The following MSS51 variants were observed in gnomAD, a reference collection of about 807,000 sequenced individuals.
MSS51 encodes putative protein MSS51 homolog, mitochondrial.
A neutral mutation model predicts 40.2 loss-of-function variants in MSS51; 32 were observed. The observed-to-expected ratio is 0.80, with a 90% CI of 0.60 to 1.07. MSS51 has a LOEUF of 1.07. Among genes scored for constraint, MSS51 ranks in the 50% least tolerant of loss-of-function variants. The pLI is 0.00. For synonymous variants in MSS51, 178 were observed against 214.2 expected (o/e 0.83, Z 1.48); for missense variants, 518 against 568.9 (o/e 0.91, Z 0.91).
rs2055964052 is a variant in MSS51 at position 73,424,273 on chromosome 10, A to T, written c.*280T>A. On this transcript the variant is annotated 3_prime_UTR_variant, in exon 7 of 7. Coordinates refer to ENST00000299432, the MANE Select transcript of MSS51 (RefSeq NM_001024593.2). ...GCACCTGTAATCCCAGCTACTAGGG[A>T]GGCTGAGGCAGGAGAACCACTTGAA... 1 of 352,678 alleles carries T rather than the reference A, an allele frequency of 2.8e-6. No homozygotes were observed. Among genetic ancestry groups the T allele is most frequent in the Non-Finnish European group, 5.4e-6 (1 of 185,108 alleles). 21.8% of individuals were successfully genotyped at this position (352,678 alleles called of 1,614,324 possible). A position where few individuals can be genotyped will look rare whatever the true frequency, so the allele number is the denominator to read the frequency against.
Position 73,426,741 on chromosome 10 carries a change from T to C in MSS51, c.378-10A>G. On this transcript the variant is annotated splice_polypyrimidine_tract_variant and intron_variant, in intron 3 of 6. Coordinates refer to ENST00000299432, the MANE Select transcript of MSS51 (RefSeq NM_001024593.2). ...ATAGACATTTCTGCACCTGAGAGAA[T>C]GAGAGAGAAATAGTTCTTATACTAT... The C allele has an allele frequency of 6.2e-7, 1 of 1,613,576 alleles. No homozygotes were observed.
chr10:73,428,130 T>C lies in MSS51; in HGVS notation c.155A>G (p.Asp52Gly), dbSNP rs1456115790. ...CAGCTGCGATAGGCCAGGAACATTA[T>C]CATCCAAGGAGAAGAAGCCAAGTGT... Reference protein sequence around the residue: ...IDTLGFFSLDDNVPGLSQLIL... With the variant: ...IDTLGFFSLDGNVPGLSQLIL... Residue 52 changes from aspartate to glycine, a missense_variant, in exon 2 of 7, where the codon GAT becomes GGT. Physicochemically the swap from Asp to Gly is moderately conservative, Grantham distance 94. Coordinates refer to ENST00000299432, the MANE Select transcript of MSS51 (RefSeq NM_001024593.2). 6.2e-7 allele frequency: 1 copy of C among 1,614,160 alleles called. No homozygotes were observed. Among genetic ancestry groups the C allele is most frequent in the South Asian group, 1.1e-5 (1 of 91,078 alleles).
In MSS51 at chr10:73,428,315, G is replaced by A. The variant is rs2056005301; in HGVS notation, c.-17-14C>T. Reference sequence around the variant, plus strand: ...GTCCAGTGATACCTGGAGATTATATGCAGAATAGACATGGAATGGAATTTT... The same window carrying A: ...GTCCAGTGATACCTGGAGATTATATACAGAATAGACATGGAATGGAATTTT... On this transcript the variant is annotated splice_polypyrimidine_tract_variant and intron_variant, in intron 1 of 6. Transcript: ENST00000299432. 1 of 1,555,136 alleles carries A rather than the reference G, an allele frequency of 6.4e-7. No homozygotes were observed. Among genetic ancestry groups the A allele is most frequent in the Non-Finnish European group, 8.7e-7 (1 of 1,144,336 alleles).
Position 73,424,668 on chromosome 10 carries a change from T to C in MSS51, c.1268A>G (p.Tyr423Cys), listed in dbSNP as rs2055968083. 6.2e-7 allele frequency: 1 copy of C among 1,614,026 alleles called. No individual in the cohort carries two copies. Among genetic ancestry groups the C allele is most frequent in the Non-Finnish European group, 8.5e-7 (1 of 1,179,986 alleles). ...PFMSLKPEQV[Y>C]SSPNKQPVYC... ...TACTGGCTGCTTGTTGGGACTGGAATAGACCTGTTCAGGTTTGAGGGACAT... is the reference window on the plus strand; with the variant it reads ...TACTGGCTGCTTGTTGGGACTGGAACAGACCTGTTCAGGTTTGAGGGACAT... Residue 423 changes from tyrosine (Y) to cysteine (C), a missense_variant, in exon 7 of 7, where the codon TAT becomes TGT. Tyr to Cys is a radical substitution (Grantham distance 194). Coordinates refer to ENST00000299432, the MANE Select transcript of MSS51 (RefSeq NM_001024593.2).
chr10:73,429,477 CTAT>C (rs1337765385), intron 1 of MSS51: 3 of 362,342 alleles, frequency 8.3e-6, no homozygotes, highest in African/African-American at 6.4e-5. Flanking sequence ...TTTGAAAGAC[CTAT>C]TATCACATGT....
rs2055986549 is a variant in MSS51, at chr10:73,426,175, C to A, written c.705G>T (p.Leu235=). The A allele has an allele frequency of 3.1e-6, 5 of 1,614,104 alleles. No homozygotes were observed. In the South Asian group the frequency reaches 5.5e-5, roughly 18 times the overall value. ...AGGGCCGTGACAGGACATCTGTCAG[C>A]AGCCGCTTCAAAGATCCCTGCAGGA... ...PDVLQGSLKR[L]LTDVLSRPLT... The change falls in exon 5 of 7, where the codon CTG becomes CTT. Residue 235 remains leucine, a synonymous_variant. Coordinates refer to ENST00000299432, the MANE Select transcript of MSS51 (RefSeq NM_001024593.2).
rs2132721184 is a variant in MSS51 at position 73,425,943 on chromosome 10, T to C, written c.937A>G (p.Thr313Ala). 1.2e-6 allele frequency: 2 copies of C among 1,614,130 alleles called. No homozygotes were observed. The highest frequency in any genetic ancestry group is 1.7e-6 in the Non-Finnish European group (2 of 1,180,024). Residue 313 changes from threonine to alanine, a missense_variant, in exon 5 of 7, where the codon ACC becomes GCC. Thr to Ala is a moderately conservative substitution (Grantham distance 58). Transcript: ENST00000299432. ...VDVATGFSQS[T>A]STSPLEPGTI... ...CCAGGTTCCAGGGGTGAAGTTGAGG[T>C]GCTCTGTGAAAAGCCAGTAGCTACA...
At chr10:73,425,412 C>T (rs893726218) in intron 5 of MSS51, among the ~76,000 whole-genome samples, 4 of 152,018 alleles carry the variant, frequency 2.6e-5, no homozygotes, top group East Asian at 1.9e-4. Flanking sequence ...CGGTGGCTCA[C>T]GCCTGTAATC....
rs1325699530 is a variant in MSS51 at position 73,426,143 on chromosome 10, A to G, written c.737T>C (p.Leu246Pro). 20 of 1,614,092 alleles carry G rather than the reference A, an allele frequency of 1.2e-5. No individual in the cohort carries two copies. Among genetic ancestry groups the G allele is most frequent in the Non-Finnish European group, 1.4e-5 (17 of 1,180,028 alleles). ...CCCCAAGGCCCTAAGTCCTAGGCCTAGAGTCAAGGGCCGTGACAGGACATC... is the reference window on the plus strand; with the variant it reads ...CCCCAAGGCCCTAAGTCCTAGGCCTGGAGTCAAGGGCCGTGACAGGACATC... The part of the protein sequence containing the change: ...LTDVLSRPLT[L>P]GLGLRALGID... The change falls in exon 5 of 7, where the codon CTA (leucine) becomes CCA (proline). Residue 246 changes from leucine to proline, a missense_variant. Transcript: ENST00000299432.
At chr10:73,425,246 G>C in intron 5 of MSS51, 55 bp from the exon 6 acceptor site, 1 of 1,196,164 alleles carries the variant, frequency 8.4e-7, no homozygotes. Flanking sequence ...GACCCTAAGA[G>C]CAAGATATTT....
At chr10:73,430,500 G>T (rs1396786409) in intron 1 of MSS51, among the ~76,000 whole-genome samples, 2 of 151,686 alleles carry the variant, frequency 1.3e-5, no homozygotes, top group African/African-American at 4.8e-5. Context: ...TATGCAAATG[G>T]ACAATAAACA....
At chr10:73,426,526 T>A in intron 4 of MSS51, 81 bp downstream of exon 4, 2 of 1,601,292 alleles carry the variant, frequency 1.2e-6, no homozygotes, top group South Asian at 2.2e-5. Context: ...CATTTTTTCA[T>A]AACAATATGA....
At chr10:73,424,845 G>T in intron 6 of MSS51, 73 bp from the exon 7 acceptor site, 1 of 1,265,290 alleles carries the variant, frequency 7.9e-7, no homozygotes, top group Non-Finnish European at 1.1e-6. Context: ...CCAAGAGCCT[G>T]ACATTTCTGT....
In MSS51 at chr10:73,426,155, C is replaced by T. The variant is rs372657650; in HGVS notation, c.725G>A (p.Arg242Gln). 1.7e-5 allele frequency: 27 copies of T among 1,614,076 alleles called. No individual in the cohort carries two copies. The highest frequency in any genetic ancestry group is 1.5e-4 in the African/African-American group (11 of 74,934). Reference protein sequence around the residue: ...LKRLLTDVLSRPLTLGLGLRA... With the variant: ...LKRLLTDVLSQPLTLGLGLRA... ...AAGTCCTAGGCCTAGAGTCAAGGGC[C>T]GTGACAGGACATCTGTCAGCAGCCG... is the stretch of plus-strand genomic sequence containing the variant. Residue 242 changes from arginine to glutamine, a missense_variant, in exon 5 of 7, where the codon CGG (arginine) becomes CAG (glutamine). Physicochemically the swap from Arg to Gln is conservative, Grantham distance 43. Transcript: ENST00000299432.
Position 73,425,124 on chromosome 10 carries a change from C to CT in MSS51, c.1136dup (p.Ile380AspfsTer33). On this transcript the variant is annotated frameshift_variant, in exon 6 of 7. Coordinates refer to ENST00000299432, the MANE Select transcript of MSS51 (RefSeq NM_001024593.2). LOFTEE classifies it high-confidence loss of function. ...TGTAAACAGTAATCAATGTAGGAATCTTATAGTCACGAAGTAGCAGCAGGG... is the reference window on the plus strand; with the variant it reads ...TGTAAACAGTAATCAATGTAGGAATCTTTATAGTCACGAAGTAGCAGCAGGG... 1 of 1,612,350 alleles carries CT rather than the reference C, an allele frequency of 6.2e-7. No homozygotes were observed.
rs561562907 is a variant in MSS51 at position 73,423,923 on chromosome 10, T to C, written c.*630A>G. ...TTTCAGAAGAATAAGGTGGTTCTCA[T>C]TCTTTTTCTCAGTGCCATCTGGTTC... On this transcript the variant is annotated 3_prime_UTR_variant, in exon 7 of 7. Coordinates refer to ENST00000299432, the MANE Select transcript of MSS51 (RefSeq NM_001024593.2). 3.9e-5 allele frequency: 6 copies of C among 152,436 alleles called. No homozygotes were observed. The highest frequency in any genetic ancestry group is 1.2e-4 in the African/African-American group (5 of 41,586). 9.4% of individuals were successfully genotyped at this position (152,436 alleles called of 1,614,324 possible). A position where few individuals can be genotyped will look rare whatever the true frequency, so the allele number is the denominator to read the frequency against.
chr10:73,432,770 C>A (rs2056037358), intron 1 of MSS51, among the ~76,000 whole-genome samples: 1 of 152,142 alleles, frequency 6.6e-6, no homozygotes, highest in East Asian at 1.9e-4. Flanking sequence ...CTTTGATCTG[C>A]ATCTATATAC....
At chr10:73,432,229 G>A (rs2056034208) in intron 1 of MSS51, among the ~76,000 whole-genome samples, 1 of 152,044 alleles carries the variant, frequency 6.6e-6, no homozygotes. Context: ...AGTAGAGATG[G>A]GGTTTCACCA....
intron 1 of MSS51, among the ~76,000 whole-genome samples, chr10:73,430,804 A>C (rs60841809): frequency 0.047 from 7,084 of 152,250 alleles, 503 homozygotes; most frequent in African/African-American, 0.15. Flanking sequence ...ATACTCAAAC[A>C]AATACTTATA....
Sources: allele counts gnomAD v4.1 joint callset (sites outside exome capture counted in the v4.1 genomes callset), GRCh38; gene constraint gnomAD v4.1.1; transcripts MANE v1.5; gene names NCBI Gene and HGNC (gene_info 2026-07-23, HGNC 2026-07-21).